SVOPL: variants seen among roughly 807,000 people sequenced by gnomAD.
The protein encoded by SVOPL is SVOP like, also known as putative transporter SVOPL.
A neutral mutation model predicts 61.0 loss-of-function variants in SVOPL; 60 were observed. That is an observed-to-expected ratio of 0.98 (90% CI 0.80 to 1.22). SVOPL has a LOEUF of 1.22. Ranked by LOEUF, SVOPL falls within the 50% of genes most tolerant of loss-of-function variation. The probability of loss-of-function intolerance (pLI) is 0.00; values close to 1 mark genes in which losing one functional copy is unlikely to be tolerated. For synonymous variants in SVOPL, 279 were observed against 250.0 expected (o/e 1.12, Z -1.09); for missense variants, 662 against 643.9 (o/e 1.03, Z -0.30).
At position 138,678,476 on chromosome 7, in the gene SVOPL, C is replaced by T. The variant is rs765894604; in HGVS notation, c.132G>A (p.Gly44=). ...VEDAVETIGF[G]RFHIALFLIM... is the part of the protein sequence containing the mutation. ...TCAGAAAGAGGGCAATGTGGAAACG[C>T]CCGAAGCCGATAGTCTCCACTGCAT... Residue 44 remains glycine (G), a synonymous_variant, in exon 3 of 16, where the codon GGG becomes GGA. Transcript: ENST00000674285. The T allele has an allele frequency of 1.0e-5, 16 of 1,551,790 alleles. No homozygotes were observed. The South Asian group carries it at 1.9e-4, about 18-fold the overall frequency.
At chr7:138,642,432 A>G (rs1800858874) in intron 9 of SVOPL, among the ~76,000 whole-genome samples, 1 of 152,130 alleles carries the variant, frequency 6.6e-6, no homozygotes, top group African/African-American at 2.4e-5. Flanking sequence ...TTAAAAATAA[A>G]AAGGGCACAT....
intron 13 of SVOPL, among the ~76,000 whole-genome samples, chr7:138,624,531 A>C (rs1799809716): frequency 1.3e-5 from 2 of 152,154 alleles, no homozygotes; most frequent in Admixed American, 1.3e-4. Flanking sequence ...ATGTCAATAC[A>C]TTTAACCCCA....
At chr7:138,621,894 C>A (rs138270153) in intron 13 of SVOPL, among the ~76,000 whole-genome samples, 3 of 43,446 alleles carry the variant, frequency 6.9e-5, no homozygotes, top group African/African-American at 2.3e-4. Flanking sequence ...ATCTATCTAT[C>A]TATCTATCTA....
chr7:138,683,918 G>T (rs1802750945), intron 1 of SVOPL, among the ~76,000 whole-genome samples: 1 of 151,386 alleles, frequency 6.6e-6, no homozygotes, highest in Non-Finnish European at 1.5e-5. Context: ...CAGGTGTGGT[G>T]GTGTATGCCT....
At chr7:138,650,432 T>C (rs1243491062) in intron 7 of SVOPL, among the ~76,000 whole-genome samples, 5 of 151,982 alleles carry the variant, frequency 3.3e-5, no homozygotes, top group African/African-American at 4.8e-5. Context: ...ATATCTTGTA[T>C]TGAGGAGCCT....
chr7:138,608,321 T>A (rs1302294482), intron 14 of SVOPL, among the ~76,000 whole-genome samples: 2 of 152,212 alleles, frequency 1.3e-5, no homozygotes, highest in African/African-American at 4.8e-5. Flanking sequence ...AAACGTGCTA[T>A]AAATCTCATT....
intron 9 of SVOPL, among the ~76,000 whole-genome samples, chr7:138,638,101 C>T (rs909414767): frequency 1.3e-5 from 2 of 151,600 alleles, no homozygotes; most frequent in African/African-American, 4.8e-5. Context: ...TGGTGAAACC[C>T]CATCTCTACT....
At chr7:138,637,867 G>T (rs919476327) in intron 9 of SVOPL, among the ~76,000 whole-genome samples, 1 of 150,928 alleles carries the variant, frequency 6.6e-6, no homozygotes, top group African/African-American at 2.4e-5. Context: ...CAGGAGAATC[G>T]CTTGAACCCA....
intron 5 of SVOPL, chr7:138,662,755 A>G: frequency 1.8e-6 from 2 of 1,142,460 alleles, no homozygotes. Flanking sequence ...CTAAGTCCCA[A>G]CCTTTAAAAG....
chr7:138,619,873 T>A (rs944454865), intron 14 of SVOPL, among the ~76,000 whole-genome samples: 3 of 152,010 alleles, frequency 2.0e-5, no homozygotes, highest in Non-Finnish European at 4.4e-5. Context: ...GAAGGGTTTG[T>A]GTTCGGGATT....
chr7:138,685,804 A>G (rs540039984), intron 1 of SVOPL, among the ~76,000 whole-genome samples: 5 of 152,000 alleles, frequency 3.3e-5, no homozygotes, highest in African/African-American at 1.2e-4. Context: ...CCCAGGAGGC[A>G]GAAGTTGCAG....
intron 1 of SVOPL, among the ~76,000 whole-genome samples, chr7:138,698,968 C>T (rs1325317747): frequency 6.6e-6 from 1 of 152,058 alleles, no homozygotes; most frequent in Non-Finnish European, 1.5e-5. Context: ...CTGGGGAACA[C>T]GGTGAAACCT....
intron 1 of SVOPL, among the ~76,000 whole-genome samples, chr7:138,683,456 C>A (rs1024582229): frequency 6.6e-6 from 1 of 152,022 alleles, no homozygotes; most frequent in East Asian, 1.9e-4. Flanking sequence ...CAACCTCTGC[C>A]CCCCGGGTTC....
chr7:138,608,320 A>G (rs528476953), intron 14 of SVOPL, among the ~76,000 whole-genome samples: 174 of 152,378 alleles, frequency 1.1e-3, no homozygotes, highest in African/African-American at 4.0e-3. Flanking sequence ...AAAACGTGCT[A>G]TAAATCTCAT....
chr7:138,659,836 C>G (rs550726435), intron 6 of SVOPL, 28 bp downstream of exon 6: 100 of 1,550,192 alleles, frequency 6.5e-5, no homozygotes, highest in Non-Finnish European at 8.0e-5. Flanking sequence ...ACGTTTCTGT[C>G]TCAGGGTCCC....
intron 1 of SVOPL, chr7:138,689,151 G>C (rs537038871): frequency 4.3e-6 from 4 of 927,196 alleles, no homozygotes. Flanking sequence ...GAAATAGTGC[G>C]TACCATTCCG....
chr7:138,664,335 CT>C, intron 4 of SVOPL: 1 of 723,702 alleles, frequency 1.4e-6, no homozygotes, highest in East Asian at 1.3e-4. Flanking sequence ...GGACACACCC[CT>C]GGCCCTCCAT....
At chr7:138,658,482 T>C (rs909822607) in intron 6 of SVOPL, among the ~76,000 whole-genome samples, 2 of 152,204 alleles carry the variant, frequency 1.3e-5, no homozygotes, top group African/African-American at 2.4e-5. Flanking sequence ...GGTCTCACTA[T>C]GCTGTCCAGG....
At chr7:138,670,712 T>A (rs1802392836) in intron 4 of SVOPL, among the ~76,000 whole-genome samples, 1 of 152,244 alleles carries the variant, frequency 6.6e-6, no homozygotes, top group Non-Finnish European at 1.5e-5. Context: ...CTATTAAACA[T>A]GTTCTCTATT....
Sources: gnomAD v4.1 joint callset for allele counts (sites outside exome capture counted in the v4.1 genomes callset) on GRCh38, gnomAD v4.1.1 for gene constraint, MANE v1.5 for transcripts, NCBI Gene and HGNC (gene_info 2026-07-23, HGNC 2026-07-21) for gene names.